Variants in CACYBP observed in about 807,000 individuals in gnomAD.
The protein encoded by CACYBP is calcyclin-binding protein.
A neutral mutation model predicts 29.6 loss-of-function variants in CACYBP; 11 were observed. The observed-to-expected ratio is 0.37, with a 90% CI of 0.23 to 0.61. The LOEUF is 0.61. CACYBP is among the 20% of genes least tolerant of loss of function. The pLI is 0.65. For missense variants in CACYBP, 163 were observed against 260.7 expected (o/e 0.63, Z 2.58); for synonymous variants, 73 against 88.3 (o/e 0.83, Z 0.97).
At chr1:174,999,852 G>C, upstream of CACYBP, 1 of 490,456 alleles carries the variant, frequency 2.0e-6, no homozygotes, top group Non-Finnish European at 3.6e-6. Context: ...AGCGTTGCTA[G>C]GAGATTCGGC....
intron 1 of CACYBP, among the ~76,000 whole-genome samples, chr1:175,001,933 G>A (rs566359171): frequency 1.3e-5 from 2 of 152,232 alleles, no homozygotes; most frequent in African/African-American, 4.8e-5. Flanking sequence ...GTAGCGACGG[G>A]GTTTCACCAC....
Position 175,004,745 on chromosome 1 carries a change from G to A in CACYBP, c.147G>A (p.Gln49=). 5 of 1,613,938 alleles carry A rather than the reference G, an allele frequency of 3.1e-6. No homozygotes were observed. Among genetic ancestry groups the A allele is most frequent in the Non-Finnish European group, 4.2e-6 (5 of 1,179,830 alleles). ...AGAACAAGATGCAACAGAAATCACA[G>A]AAGAAAGCAGAACTTCTTGATAATG... ...EIKNKMQQKS[Q]KKAELLDNEK... is the part of the protein sequence containing the mutation. The change falls in exon 2 of 6, where the codon CAG becomes CAA. Residue 49 remains glutamine (Q), a synonymous_variant. Transcript: ENST00000367679.
Position 175,006,975 on chromosome 1 carries a change from G to A in CACYBP, c.333-123G>A, listed in dbSNP as rs116135783. 1.3e-3 allele frequency: 1,075 copies of A among 835,648 alleles called. 15 individuals carry two copies. In the African/African-American group the frequency reaches 0.016, roughly 13 times the overall value. The allele number at this position is 835,648 out of a possible 1,614,324, so 51.8% of individuals were successfully genotyped here. A position where few individuals can be genotyped will look rare whatever the true frequency, so the allele number is the denominator to read the frequency against. ...TCCTTTACAACTACTTTGAAGAGGT[G>A]AGCGTTAACTGGCCAAATGCACACC... On this transcript the variant is annotated intron_variant, in intron 3 of 5. Transcript: ENST00000367679.
upstream of CACYBP, chr1:174,999,511 C>T (rs1386527023): frequency 1.9e-5 from 3 of 156,406 alleles, no homozygotes; most frequent in Admixed American, 2.0e-4. Context: ...CCACGCTTAA[C>T]ATATCCGTTC....
In CACYBP at chr1:175,010,092, G is replaced by A. The variant is rs745650348; in HGVS notation, c.*13G>A. 3.5e-5 allele frequency: 57 copies of A among 1,610,138 alleles called. 1 individual carries two copies. The highest frequency in any genetic ancestry group is 4.6e-5 in the Non-Finnish European group (54 of 1,178,104). ...CACGGAATTTTGAGACTTTAAAGTC[G>A]TTTTGGGAACTGTGATGTGATGTGG... On this transcript the variant is annotated 3_prime_UTR_variant, in exon 6 of 6. Transcript: ENST00000367679.
rs944629242 is a variant in CACYBP at position 175,000,071 on chromosome 1, C to T, written c.-110C>T. Reference sequence around the variant, plus strand: ...TCGGTGTGGGCGCAGGCTGCAGCGCCGCGACTCGTGCGGGTAGGCGTCTGC... The same window carrying T: ...TCGGTGTGGGCGCAGGCTGCAGCGCTGCGACTCGTGCGGGTAGGCGTCTGC... On this transcript the variant is annotated 5_prime_UTR_variant, in exon 1 of 6. Transcript: ENST00000367679. 3.5e-6 allele frequency: 5 copies of T among 1,445,530 alleles called. No individual in the cohort carries two copies. Among genetic ancestry groups the T allele is most frequent in the Admixed American group, 3.9e-5 (2 of 50,852 alleles). 89.5% of individuals were successfully genotyped at this position (1,445,530 alleles called of 1,614,324 possible).
rs1331720349 is a variant in CACYBP, at chr1:175,011,740, ATTGAG to A, written c.*1667_*1671del. 1 of 152,234 alleles carries A rather than the reference ATTGAG, an allele frequency of 6.6e-6. No individual in the cohort carries two copies. Among genetic ancestry groups the A allele is most frequent in the Admixed American group, 6.5e-5 (1 of 15,286 alleles). The allele number at this position is 152,234 out of a possible 1,614,324, so 9.4% of individuals were successfully genotyped here. A position where few individuals can be genotyped will look rare whatever the true frequency, so the allele number is the denominator to read the frequency against. ...GAAAAAGAAGTATAAAAACAACTGT[ATTGAG>A]TTGAGGCTGTGGAGAAATAAGGACA... On this transcript the variant is annotated 3_prime_UTR_variant, in exon 6 of 6. Coordinates refer to ENST00000367679, the MANE Select transcript of CACYBP (RefSeq NM_014412.3).
chr1:175,000,501 C>T lies in CACYBP; in HGVS notation c.15+306C>T, dbSNP rs896261630. 4.6e-6 allele frequency: 6 copies of T among 1,296,662 alleles called. No homozygotes were observed. The Admixed American group carries it at 1.6e-4, about 35-fold the overall frequency. The allele number at this position is 1,296,662 out of a possible 1,614,324, so 80.3% of individuals were successfully genotyped here. On this transcript the variant is annotated intron_variant, in intron 1 of 5. Coordinates refer to ENST00000367679, the MANE Select transcript of CACYBP (RefSeq NM_014412.3). Reference sequence around the variant, plus strand: ...GGCCCTTTGCGCGTGTTCCTCAGGCCCTTTCTGCCCTGGTTTCCCAGCCAG... The same window carrying T: ...GGCCCTTTGCGCGTGTTCCTCAGGCTCTTTCTGCCCTGGTTTCCCAGCCAG...
At chr1:174,999,741 G>C (rs1228875284), upstream of CACYBP, 1 of 265,496 alleles carries the variant, frequency 3.8e-6, no homozygotes, top group Non-Finnish European at 7.3e-6. Flanking sequence ...CTGCGACTGC[G>C]CAGCGTGGCC....
At chr1:175,003,146 T>G (rs1672532211) in intron 1 of CACYBP, among the ~76,000 whole-genome samples, 3 of 151,488 alleles carry the variant, frequency 2.0e-5, no homozygotes, top group African/African-American at 7.3e-5. Context: ...GAGACCGAGT[T>G]TTGCTCTTGT....
intron 1 of CACYBP, among the ~76,000 whole-genome samples, chr1:175,004,342 T>C (rs1456172206): frequency 3.3e-5 from 5 of 152,226 alleles, no homozygotes; most frequent in Non-Finnish European, 7.3e-5. Flanking sequence ...CTTGTAAATA[T>C]TTTAAAACAT....
Position 175,004,738 on chromosome 1 carries a change from A to G in CACYBP, c.140A>G (p.Lys47Arg). 6.2e-7 allele frequency: 1 copy of G among 1,614,014 alleles called. No individual in the cohort carries two copies. The highest frequency in any genetic ancestry group is 8.5e-7 in the Non-Finnish European group (1 of 1,179,852). ...GAAATCAAGAACAAGATGCAACAGA[A>G]ATCACAGAAGAAAGCAGAACTTCTT... ...ETEIKNKMQQKSQKKAELLDN... is the reference protein window; with the variant it reads ...ETEIKNKMQQRSQKKAELLDN... Residue 47 changes from lysine to arginine, a missense_variant, in exon 2 of 6, where the codon AAA (lysine) becomes AGA (arginine). Transcript: ENST00000367679.
Position 175,010,369 on chromosome 1 carries a change from C to T in CACYBP, c.*290C>T, listed in dbSNP as rs150725735. ...AAAAGCAAGTCTTGCCCAATAAAAA[C>T]GCTACATTGTGTGTATTTTTTGTTC... On this transcript the variant is annotated 3_prime_UTR_variant, in exon 6 of 6. Transcript: ENST00000367679. 1.8e-4 allele frequency: 37 copies of T among 203,504 alleles called. No homozygotes were observed. In the East Asian group the frequency reaches 2.8e-3, roughly 15 times the overall value. 12.6% of individuals were successfully genotyped at this position (203,504 alleles called of 1,614,324 possible).
At chr1:175,006,951 C>T (rs752874784) in intron 3 of CACYBP, 110 bp downstream of exon 3, 3 of 840,386 alleles carry the variant, frequency 3.6e-6, no homozygotes, top group African/African-American at 3.5e-5. Flanking sequence ...AATTAATTAT[C>T]CTTTACAACT....
intron 1 of CACYBP, 24 bp from the exon 2 acceptor site, chr1:175,004,590 A>G (rs75035127): frequency 0.027 from 38,892 of 1,433,436 alleles, 656 homozygotes; most frequent in Middle Eastern, 0.052. Context: ...TATCATAGCT[A>G]ACTTATTTTT....
chr1:175,003,433 T>C (rs910105987), intron 1 of CACYBP, among the ~76,000 whole-genome samples: 3 of 152,200 alleles, frequency 2.0e-5, no homozygotes, highest in African/African-American at 7.2e-5. Flanking sequence ...TTGAACTTTT[T>C]ATACCATGTC....
chr1:174,999,882 C>CGGCGG (rs1672416864), upstream of CACYBP: 2 of 468,784 alleles, frequency 4.3e-6, no homozygotes, highest in Non-Finnish European at 7.2e-6. Context: ...GAGCCAGACT[C>CGGCGG]GGCGGGGCGG....
Position 175,010,145 on chromosome 1 carries a change from A to G in CACYBP, c.*66A>G, listed in dbSNP as rs1672714821. The G allele has an allele frequency of 1.5e-6, 2 of 1,350,450 alleles. No homozygotes were observed. Among genetic ancestry groups the G allele is most frequent in the Admixed American group, 1.9e-5 (1 of 51,906 alleles). The allele number at this position is 1,350,450 out of a possible 1,614,324, so 83.7% of individuals were successfully genotyped here. The stretch of plus-strand genomic sequence containing the variant: ...ATACTGATGTTTCCAGTAAGGGAAT[A>G]TTGGTGAGCTGCATATATAAATTTG... On this transcript the variant is annotated 3_prime_UTR_variant, in exon 6 of 6. Transcript: ENST00000367679.
chr1:175,007,084 C>G lies in CACYBP; in HGVS notation c.333-14C>G. The stretch of plus-strand genomic sequence containing the variant: ...TAGAACTAGAAAGATGATGTATTCA[C>G]CATTGTGTTGCAGGTCATTTGATCT... On this transcript the variant is annotated splice_polypyrimidine_tract_variant and intron_variant, in intron 3 of 5. Coordinates refer to ENST00000367679, the MANE Select transcript of CACYBP (RefSeq NM_014412.3). The G allele has an allele frequency of 6.7e-7, 1 of 1,501,312 alleles. No individual in the cohort carries two copies. Among genetic ancestry groups the G allele is most frequent in the Non-Finnish European group, 9.3e-7 (1 of 1,080,250 alleles). 93.0% of individuals were successfully genotyped at this position (1,501,312 alleles called of 1,614,324 possible).
Sources: allele counts gnomAD v4.1 joint callset (sites outside exome capture counted in the v4.1 genomes callset), GRCh38; gene constraint gnomAD v4.1.1; transcripts MANE v1.5; gene names NCBI Gene and HGNC (gene_info 2026-07-23, HGNC 2026-07-21).